The following RAD54B variants were observed in gnomAD, a reference collection of about 807,000 sequenced individuals.
RAD54B encodes the protein RAD54 homolog B, also known as DNA repair and recombination protein RAD54B.
A neutral mutation model predicts 95.8 loss-of-function variants in RAD54B; 78 were observed. The ratio of observed to expected loss-of-function variants is 0.81; its 90% CI spans 0.68 to 0.98. The LOEUF (loss-of-function observed/expected upper bound fraction) is 0.98, where lower values mean the gene tolerates loss of function less well. Ranked by LOEUF, RAD54B falls within the 50% of genes least tolerant of loss-of-function variation. The probability of loss-of-function intolerance (pLI) is 0.00; values close to 1 mark genes in which losing one functional copy is unlikely to be tolerated. For missense variants in RAD54B, 957 were observed against 1,056.6 expected, an observed-to-expected ratio of 0.91 and a Z score of 1.31; for synonymous variants, 328 against 354.9, an observed-to-expected ratio of 0.92 and a Z score of 0.85.
intron 7 of RAD54B, among the ~76,000 whole-genome samples, chr8:94,399,877 C>T (rs1811227617): frequency 6.6e-6 from 1 of 152,138 alleles, no homozygotes; most frequent in African/African-American, 2.4e-5. Flanking sequence ...AGCCCTCTTC[C>T]TGGCTTGCAG....
chr8:94,413,522 T>C (rs890023351), intron 3 of RAD54B, among the ~76,000 whole-genome samples: 1 of 152,144 alleles, frequency 6.6e-6, no homozygotes, highest in Non-Finnish European at 1.5e-5. Flanking sequence ...CATCAACCAT[T>C]AAGTCACCCC....
chr8:94,385,349 GAAAA>G (rs33952323), intron 11 of RAD54B, among the ~76,000 whole-genome samples: 57,964 of 146,260 alleles, frequency 0.4, 11,263 homozygotes, highest in Admixed American at 0.51. Flanking sequence ...ACCCTTCAGA[GAAAA>G]AAAAAAGTCC....
chr8:94,380,120 C>T (rs1383334169), intron 12 of RAD54B, 25 bp downstream of exon 12: 2 of 1,573,712 alleles, frequency 1.3e-6, no homozygotes, highest in South Asian at 1.1e-5. Context: ...TCAATAATAT[C>T]TATTTAATGC....
chr8:94,372,089 C>A lies in RAD54B; in HGVS notation c.*81G>T. On this transcript the variant is annotated 3_prime_UTR_variant, in exon 15 of 15. Transcript: ENST00000336148. ...AACATATACTGTAATTTAAATAATT[C>A]TATTAATTTTCAAAAAGTACATTTA... 1.3e-6 allele frequency: 2 copies of A among 1,487,232 alleles called. No homozygotes were observed. The highest frequency in any genetic ancestry group is 1.8e-6 in the Non-Finnish European group (2 of 1,126,858). The allele number at this position is 1,487,232 out of a possible 1,614,324, so 92.1% of individuals were successfully genotyped here.
intron 3 of RAD54B, among the ~76,000 whole-genome samples, chr8:94,454,106 T>C (rs1370277416): frequency 2.6e-5 from 4 of 151,832 alleles, no homozygotes; most frequent in Non-Finnish European, 5.9e-5. Flanking sequence ...TTTACTATAC[T>C]CTTAACATCT....
chr8:94,467,391 T>G lies in RAD54B; in HGVS notation c.135+14A>C. The G allele has an allele frequency of 1.3e-6, 2 of 1,586,116 alleles. No individual in the cohort carries two copies. The highest frequency in any genetic ancestry group is 1.7e-6 in the Non-Finnish European group (2 of 1,163,160). On this transcript the variant is annotated intron_variant, in intron 2 of 14. Transcript: ENST00000336148. ...CTCTATATTATCTATATCATGAGTCTTTTTTTGCCTTACCTCAAATAATTT... is the reference window on the plus strand; with the variant it reads ...CTCTATATTATCTATATCATGAGTCGTTTTTTGCCTTACCTCAAATAATTT...
intron 5 of RAD54B, among the ~76,000 whole-genome samples, chr8:94,405,057 G>A (rs528088872): frequency 6.6e-6 from 1 of 152,078 alleles, no homozygotes; most frequent in East Asian, 1.9e-4. Flanking sequence ...CAAGTGATCT[G>A]CCCACCTCAG....
chr8:94,375,762 T>C (rs1395778962), intron 14 of RAD54B, among the ~76,000 whole-genome samples: 3 of 152,092 alleles, frequency 2.0e-5, no homozygotes, highest in Non-Finnish European at 4.4e-5. Context: ...AGAAATATAA[T>C]ATGCTATAAT....
intron 3 of RAD54B, among the ~76,000 whole-genome samples, chr8:94,426,265 TAAA>T (rs551332612): frequency 7.5e-6 from 1 of 133,936 alleles, no homozygotes; most frequent in African/African-American, 2.7e-5. Context: ...TTGCAAAAAT[TAAA>T]AAAAAAAAAA....
chr8:94,452,691 G>A (rs1563662851), intron 3 of RAD54B, among the ~76,000 whole-genome samples: 1 of 151,952 alleles, frequency 6.6e-6, no homozygotes, highest in Non-Finnish European at 1.5e-5. Flanking sequence ...TAGATATGGG[G>A]TTTCACTGTG....
intron 1 of RAD54B, among the ~76,000 whole-genome samples, chr8:94,468,954 T>A (rs1374744167): frequency 6.6e-6 from 1 of 151,790 alleles, no homozygotes; most frequent in Non-Finnish European, 1.5e-5. Flanking sequence ...GCAGCAAGAC[T>A]TCAACTGAAA....
chr8:94,428,283 A>G lies in RAD54B; in HGVS notation c.305-16968T>C, dbSNP rs1303479077. 1.2e-5 allele frequency: 12 copies of G among 978,372 alleles called. No individual in the cohort carries two copies. In the African/African-American group the frequency reaches 2.1e-4, roughly 17 times the overall value. 60.6% of individuals were successfully genotyped at this position (978,372 alleles called of 1,614,324 possible). ...CTTCTCTATGTTCTCCCAGCATTAC[A>G]TTTTGTAATTAAAGCTCATGGACCC... is the stretch of plus-strand genomic sequence containing the variant. On this transcript the variant is annotated intron_variant, in intron 3 of 14. Coordinates refer to ENST00000336148, the MANE Select transcript of RAD54B (RefSeq NM_012415.3).
chr8:94,413,842 T>C (rs1178807522), intron 3 of RAD54B, among the ~76,000 whole-genome samples: 1 of 21,654 alleles, frequency 4.6e-5, no homozygotes. Flanking sequence ...TTTTTTTTCT[T>C]TTTTTTTTTT....
chr8:94,399,662 A>T, intron 7 of RAD54B, 41 bp from the exon 8 acceptor site: 1 of 1,541,984 alleles, frequency 6.5e-7, no homozygotes, highest in Non-Finnish European at 8.7e-7. Context: ...AGGAACAGAA[A>T]CTATATGAAA....
At chr8:94,427,004 T>C (rs943743276) in intron 3 of RAD54B, among the ~76,000 whole-genome samples, 6 of 152,200 alleles carry the variant, frequency 3.9e-5, no homozygotes, top group Admixed American at 6.5e-5. Context: ...AAGCCAAGTA[T>C]AGCAAAACAT....
intron 3 of RAD54B, among the ~76,000 whole-genome samples, chr8:94,444,363 C>G (rs1812469499): frequency 6.8e-6 from 1 of 147,496 alleles, no homozygotes; most frequent in African/African-American, 2.5e-5. Flanking sequence ...TGCATATGTT[C>G]ACAAGACCAC....
intron 3 of RAD54B, among the ~76,000 whole-genome samples, chr8:94,449,624 A>G (rs1312618133): frequency 6.6e-6 from 1 of 151,826 alleles, no homozygotes; most frequent in East Asian, 1.9e-4. Flanking sequence ...AAAAAAAAAA[A>G]AAGAAGGAAA....
At chr8:94,471,067 T>TC in intron 1 of RAD54B, among the ~76,000 whole-genome samples, 1 of 152,250 alleles carries the variant, frequency 6.6e-6, no homozygotes, top group South Asian at 2.1e-4. Flanking sequence ...CTTCATCTCC[T>TC]CCCAAAGACT....
chr8:94,407,754 C>T (rs750094645), intron 4 of RAD54B, 34 bp from the exon 5 acceptor site: 1 of 1,564,004 alleles, frequency 6.4e-7, no homozygotes, highest in Non-Finnish European at 8.7e-7. Flanking sequence ...TTAATTGACA[C>T]TCTATGATAC....
Sources: gnomAD v4.1 joint callset for allele counts (sites outside exome capture counted in the v4.1 genomes callset) on GRCh38, gnomAD v4.1.1 for gene constraint, MANE v1.5 for transcripts, NCBI Gene and HGNC (gene_info 2026-07-23, HGNC 2026-07-21) for gene names.